The following SHROOM3 variants were observed in gnomAD, a reference collection of about 807,000 sequenced individuals.
The protein encoded by SHROOM3 is shroom family member 3, also known as protein Shroom3.
In SHROOM3, 47 loss-of-function variants were observed where a neutral mutation model predicts 138.6. The observed-to-expected ratio is 0.34, with a 90% confidence interval of 0.27 to 0.43. The LOEUF is 0.43. Among genes scored for constraint, SHROOM3 ranks in the 20% least tolerant of loss-of-function variants. The probability of loss-of-function intolerance (pLI) is 1.00; values close to 1 mark genes in which losing one functional copy is unlikely to be tolerated. For synonymous variants in SHROOM3, 1,062 were observed against 1,063.3 expected, an observed-to-expected ratio of 1.00 and a Z score of 0.02; for missense variants, 2,491 against 2,596.5, an observed-to-expected ratio of 0.96 and a Z score of 0.88.
intron 1 of SHROOM3, among the ~76,000 whole-genome samples, chr4:76,495,700 G>C (rs543513624): frequency 6.6e-6 from 1 of 152,346 alleles, no homozygotes; most frequent in East Asian, 1.9e-4. Flanking sequence ...AGAGGGAATA[G>C]ACGAAGTGGT....
intron 1 of SHROOM3, among the ~76,000 whole-genome samples, chr4:76,545,565 CCT>C (rs1277213441): frequency 6.6e-6 from 1 of 152,210 alleles, no homozygotes; most frequent in African/African-American, 2.4e-5. Context: ...CCTATCTCCT[CCT>C]CTCAGCAAAT....
At chr4:76,605,752 C>T (rs1330590798) in intron 2 of SHROOM3, among the ~76,000 whole-genome samples, 2 of 151,538 alleles carry the variant, frequency 1.3e-5, no homozygotes, top group African/African-American at 2.4e-5. Context: ...AAGATGTATG[C>T]TTTTAAATAG....
intron 1 of SHROOM3, among the ~76,000 whole-genome samples, chr4:76,463,839 G>T (rs564899564): frequency 6.6e-6 from 1 of 152,358 alleles, no homozygotes; most frequent in African/African-American, 2.4e-5. Flanking sequence ...TGGCCTGTGG[G>T]TGCACAGAGG....
intron 1 of SHROOM3, among the ~76,000 whole-genome samples, chr4:76,525,375 G>T (rs1419450502): frequency 2.0e-5 from 3 of 152,142 alleles, no homozygotes; most frequent in Admixed American, 6.5e-5. Flanking sequence ...CCACCCCCAT[G>T]ATCTAATTAT....
chr4:76,725,165 C>T (rs1438716799), intron 3 of SHROOM3, among the ~76,000 whole-genome samples: 2 of 138,324 alleles, frequency 1.4e-5, no homozygotes, highest in African/African-American at 2.6e-5. Flanking sequence ...CCGCCAAAAT[C>T]ATCCTGTCAT....
intron 1 of SHROOM3, among the ~76,000 whole-genome samples, chr4:76,483,180 C>T (rs150622763): frequency 0.085 from 12,997 of 152,102 alleles, 633 homozygotes; most frequent in South Asian, 0.18. Flanking sequence ...AGCTTCTGCA[C>T]AGCAAAAGAA....
intron 2 of SHROOM3, among the ~76,000 whole-genome samples, chr4:76,684,638 A>G (rs1170042716): frequency 2.0e-5 from 3 of 152,218 alleles, no homozygotes; most frequent in African/African-American, 7.2e-5. Flanking sequence ...CTGGGGCTAT[A>G]AAGAACAACA....
At chr4:76,762,135 T>C (rs780596042) in intron 9 of SHROOM3, among the ~76,000 whole-genome samples, 1 of 152,170 alleles carries the variant, frequency 6.6e-6, no homozygotes, top group Non-Finnish European at 1.5e-5. Flanking sequence ...GTTAAGCAAC[T>C]AGTTTGTCCT....
chr4:76,740,123 C>G lies in SHROOM3; in HGVS notation c.1950C>G (p.Ser650Arg). 6.2e-7 allele frequency: 1 copy of G among 1,613,830 alleles called. No individual in the cohort carries two copies. Among genetic ancestry groups the G allele is most frequent in the Non-Finnish European group, 8.5e-7 (1 of 1,180,032 alleles). ...RRLEREGLGQ[S>R]LSGNFGKTKS... is the part of the protein sequence containing the mutation. ...TGGAGAGAGAAGGCCTAGGCCAGAG[C>G]CTGTCAGGCAACTTTGGCAAGACCA... is the stretch of plus-strand genomic sequence containing the variant. Residue 650 changes from serine (S) to arginine (R), a missense_variant, in exon 5 of 11, where the codon AGC (serine) becomes AGG (arginine). Transcript: ENST00000296043. This position sits in a 1 kb window ranked among gnomAD's most constrained non-coding sequence, Gnocchi z 4.0.
intron 2 of SHROOM3, among the ~76,000 whole-genome samples, chr4:76,698,621 C>T (rs2110111577): frequency 6.6e-6 from 1 of 152,240 alleles, no homozygotes; most frequent in African/African-American, 2.4e-5. Context: ...ACCCCAGAGC[C>T]TGAAGTAGGA....
chr4:76,649,696 C>T (rs1282627848), intron 2 of SHROOM3, among the ~76,000 whole-genome samples: 1 of 152,080 alleles, frequency 6.6e-6, no homozygotes, highest in Non-Finnish European at 1.5e-5. Flanking sequence ...CAAAATAATT[C>T]CTGGGTTAAA....
intron 2 of SHROOM3, among the ~76,000 whole-genome samples, chr4:76,598,164 C>T (rs1415701298): frequency 6.6e-6 from 1 of 151,836 alleles, no homozygotes. Context: ...GTAGCTGGGA[C>T]TACAGGCGCC....
At chr4:76,668,734 A>G (rs561815185) in intron 2 of SHROOM3, among the ~76,000 whole-genome samples, 5 of 152,348 alleles carry the variant, frequency 3.3e-5, no homozygotes, top group African/African-American at 1.2e-4. Context: ...ACACCTGCAC[A>G]GTTTGAAATA....
chr4:76,722,397 C>CT (rs1720579171), intron 3 of SHROOM3, among the ~76,000 whole-genome samples: 8 of 152,056 alleles, frequency 5.3e-5, no homozygotes, highest in Admixed American at 3.9e-4. Flanking sequence ...CCTTAGCAAA[C>CT]TAACGCAGGA....
At chr4:76,480,398 T>C (rs539606572) in intron 1 of SHROOM3, among the ~76,000 whole-genome samples, 28 of 152,268 alleles carry the variant, frequency 1.8e-4, no homozygotes, top group Admixed American at 1.0e-3. Context: ...ACAAAGGCAT[T>C]ACATAATGGT....
intron 1 of SHROOM3, among the ~76,000 whole-genome samples, chr4:76,465,198 A>T (rs1164643781): frequency 6.6e-6 from 1 of 152,216 alleles, no homozygotes; most frequent in Non-Finnish European, 1.5e-5. Context: ...GTATGTATGC[A>T]TACCTATTTA....
intron 2 of SHROOM3, among the ~76,000 whole-genome samples, chr4:76,674,267 AAAGT>A (rs1718963861): frequency 1.3e-5 from 2 of 152,338 alleles, no homozygotes; most frequent in Non-Finnish European, 2.9e-5. Context: ...TCAAAATTTT[AAAGT>A]ATTTTTAATA....
chr4:76,436,097 A>G lies in SHROOM3; in HGVS notation c.45A>G (p.Leu15=). The change falls in exon 1 of 11, where the codon TTA becomes TTG. Residue 15 remains leucine (L), a synonymous_variant. Coordinates refer to ENST00000296043, the MANE Select transcript of SHROOM3 (RefSeq NM_020859.4). ...ACTTCCACAAGCCTAGTGCCACATTAAACTCTAACACGGCCACCAAGGGAA... is the reference window on the plus strand; with the variant it reads ...ACTTCCACAAGCCTAGTGCCACATTGAACTCTAACACGGCCACCAAGGGAA... ...TEDFHKPSAT[L]NSNTATKGRY... 6.2e-7 allele frequency: 1 copy of G among 1,614,066 alleles called. No individual in the cohort carries two copies. The highest frequency in any genetic ancestry group is 8.5e-7 in the Non-Finnish European group (1 of 1,179,952).
chr4:76,764,326 A>G (rs1578029916), intron 9 of SHROOM3, among the ~76,000 whole-genome samples: 1 of 152,262 alleles, frequency 6.6e-6, no homozygotes, highest in South Asian at 2.1e-4. Context: ...AACCAATCAC[A>G]TAATTCCCTA....
Sources: allele counts gnomAD v4.1 joint callset (sites outside exome capture counted in the v4.1 genomes callset), GRCh38; gene constraint gnomAD v4.1.1; non-coding constraint Gnocchi (gnomAD v3.1); transcripts MANE v1.5; gene names NCBI Gene and HGNC (gene_info 2026-07-23, HGNC 2026-07-21).